Variants in FSTL4 observed in about 807,000 individuals in gnomAD.
The protein encoded by FSTL4 is follistatin like 4, also known as follistatin-related protein 4.
In FSTL4, 28 loss-of-function variants were observed where a neutral mutation model predicts 78.2. That is an observed-to-expected ratio of 0.36 (90% CI 0.27 to 0.49). The LOEUF is 0.49. Ranked by LOEUF, FSTL4 falls within the 20% of genes least tolerant of loss-of-function variation. The probability of loss-of-function intolerance (pLI) is 0.98; values close to 1 mark genes in which losing one functional copy is unlikely to be tolerated. For missense variants in FSTL4, 922 were observed against 1,084.9 expected (o/e 0.85, Z 2.11); for synonymous variants, 422 against 440.5 (o/e 0.96, Z 0.53).
intron 6 of FSTL4, among the ~76,000 whole-genome samples, chr5:133,269,668 G>T (rs1286252140): frequency 6.6e-6 from 1 of 152,168 alleles, no homozygotes; most frequent in African/African-American, 2.4e-5. Context: ...ATGGTCCTTT[G>T]TCTGGTCCTT....
chr5:133,217,430 A>G (rs1423093701), intron 12 of FSTL4, 52 bp from the exon 13 acceptor site: 8 of 1,545,414 alleles, frequency 5.2e-6, no homozygotes, highest in African/African-American at 2.7e-5. Context: ...TTTCCCTCCA[A>G]CATCTCTAGG....
intron 3 of FSTL4, among the ~76,000 whole-genome samples, chr5:133,454,283 T>C (rs998717967): frequency 1.3e-5 from 2 of 152,254 alleles, no homozygotes; most frequent in African/African-American, 4.8e-5. Context: ...TTTAATGATA[T>C]ATCAGTTTGG....
chr5:133,351,966 CTCT>C (rs1371155007), intron 4 of FSTL4, among the ~76,000 whole-genome samples: 2 of 128,284 alleles, frequency 1.6e-5, no homozygotes, highest in African/African-American at 3.6e-5. Context: ...TCTAGTATGG[CTCT>C]TTTTTTTATT....
the FSTL4 span, among the ~76,000 whole-genome samples, chr5:133,782,035 G>A: frequency 6.6e-6 from 1 of 152,164 alleles, no homozygotes; most frequent in Non-Finnish European, 1.5e-5. Context: ...ACCCATCAAA[G>A]GCTGTGGAAA....
intron 3 of FSTL4, among the ~76,000 whole-genome samples, chr5:133,480,999 G>A (rs977132226): frequency 5.3e-5 from 8 of 152,096 alleles, no homozygotes; most frequent in Admixed American, 5.2e-4. Flanking sequence ...ACATAGCAGC[G>A]GTCCGAGTAA....
chr5:133,223,809 ACTAT>A (rs1751237704), intron 11 of FSTL4, among the ~76,000 whole-genome samples: 1 of 151,878 alleles, frequency 6.6e-6, no homozygotes, highest in Non-Finnish European at 1.5e-5. Flanking sequence ...AGGTACAGTG[ACTAT>A]CTAGTAGAGA....
intron 2 of FSTL4, among the ~76,000 whole-genome samples, chr5:133,577,492 C>T (rs1186933849): frequency 6.6e-6 from 1 of 152,186 alleles, no homozygotes; most frequent in Non-Finnish European, 1.5e-5. Context: ...GCTGCCAACA[C>T]TAAACCTTTA....
At chr5:133,680,918 C>T in the FSTL4 span, among the ~76,000 whole-genome samples, 1 of 103,138 alleles carries the variant, frequency 9.7e-6, no homozygotes, top group Non-Finnish European at 2.5e-5. Context: ...GGTGATGCAG[C>T]TCATCATGGG....
chr5:133,304,567 T>C (rs1316362567), intron 6 of FSTL4, among the ~76,000 whole-genome samples: 2 of 152,258 alleles, frequency 1.3e-5, no homozygotes, highest in African/African-American at 4.8e-5. Context: ...GTTCATTTTC[T>C]GCTATTCAAT....
At chr5:133,639,398 T>C in the FSTL4 span, among the ~76,000 whole-genome samples, 1 of 152,174 alleles carries the variant, frequency 6.6e-6, no homozygotes, top group Admixed American at 6.5e-5. Context: ...TGGACAGCCA[T>C]CAGGTTTTTC....
At chr5:133,740,998 T>G in the FSTL4 span, among the ~76,000 whole-genome samples, 1 of 151,674 alleles carries the variant, frequency 6.6e-6, no homozygotes, top group Admixed American at 6.6e-5. Context: ...AATGGATGAA[T>G]GAATTGATGG....
At chr5:133,515,615 T>C (rs1339891163) in intron 3 of FSTL4, among the ~76,000 whole-genome samples, 1 of 151,124 alleles carries the variant, frequency 6.6e-6, no homozygotes, top group East Asian at 1.9e-4. Context: ...TAACTATAAA[T>C]AGGTTAAATC....
the FSTL4 span, among the ~76,000 whole-genome samples, chr5:133,794,294 C>A: frequency 2.0e-5 from 3 of 152,164 alleles, no homozygotes; most frequent in African/African-American, 7.2e-5. Flanking sequence ...ACAGCAGACC[C>A]CACCACGGTT....
At chr5:133,645,692 A>T in the FSTL4 span, among the ~76,000 whole-genome samples, 1 of 152,126 alleles carries the variant, frequency 6.6e-6, no homozygotes, top group Non-Finnish European at 1.5e-5. Context: ...CCCTAAATCC[A>T]ATGACAAGTA....
chr5:133,401,336 C>G (rs1264393847), intron 3 of FSTL4, among the ~76,000 whole-genome samples: 2 of 152,200 alleles, frequency 1.3e-5, no homozygotes, highest in Non-Finnish European at 2.9e-5. Flanking sequence ...AATGAAAACA[C>G]CCAGCTATTC....
chr5:133,437,165 AG>A (rs1191494568), intron 3 of FSTL4, among the ~76,000 whole-genome samples: 1 of 152,144 alleles, frequency 6.6e-6, no homozygotes, highest in African/African-American at 2.4e-5. Flanking sequence ...CAGGAAGGTT[AG>A]TGATGGGGAA....
At chr5:133,823,794 A>C in the FSTL4 span, among the ~76,000 whole-genome samples, 11 of 152,118 alleles carry the variant, frequency 7.2e-5, no homozygotes, top group Non-Finnish European at 1.2e-4. Context: ...GGGCATGGGG[A>C]AGTCCTCATG....
rs1290260930 is a variant in FSTL4, at chr5:133,197,732, A to G, written c.*1363T>C. The G allele has an allele frequency of 6.6e-6, 1 of 152,352 alleles. No individual in the cohort carries two copies. Among genetic ancestry groups the G allele is most frequent in the East Asian group, 1.9e-4 (1 of 5,176 alleles). 9.4% of individuals were successfully genotyped at this position (152,352 alleles called of 1,614,324 possible). ...GTGTGGCTTGCAAAATGATCATTCA[A>G]ACCAGGACACATGTAAGTTCCACTC... On this transcript the variant is annotated 3_prime_UTR_variant, in exon 16 of 16. Transcript: ENST00000265342.
chr5:133,781,566 G>A, the FSTL4 span, among the ~76,000 whole-genome samples: 1 of 152,300 alleles, frequency 6.6e-6, no homozygotes, highest in South Asian at 2.1e-4. Context: ...CACAGTGCTA[G>A]AGACTGGAGG....
Sources: gnomAD v4.1 joint callset for allele counts (sites outside exome capture counted in the v4.1 genomes callset) on GRCh38, gnomAD v4.1.1 for gene constraint, MANE v1.5 for transcripts, NCBI Gene and HGNC (gene_info 2026-07-23, HGNC 2026-07-21) for gene names.